ZFHX3: variants seen among roughly 807,000 people sequenced by gnomAD.
ZFHX3 encodes zinc finger homeobox 3.
ZFHX3 carries 42 observed loss-of-function variants against 279.1 expected under a neutral mutation model. The ratio of observed to expected loss-of-function variants is 0.15; its 90% CI spans 0.12 to 0.19. The LOEUF is 0.19. Among genes scored for constraint, ZFHX3 ranks in the 10% least tolerant of loss-of-function variants. ZFHX3 has a pLI of 1.00. For synonymous variants in ZFHX3, 2,293 were observed against 1,957.8 expected, an observed-to-expected ratio of 1.17 and a Z score of -4.52; for missense variants, 4,981 against 4,754.0, an observed-to-expected ratio of 1.05 and a Z score of -1.40.
At chr16:73,292,306 G>T (rs2014792345) in intron 4 of ZFHX3, among the ~76,000 whole-genome samples, 1 of 152,136 alleles carries the variant, frequency 6.6e-6, no homozygotes, top group African/African-American at 2.4e-5. Flanking sequence ...TTTCTCCAGG[G>T]TGATGGCTAG....
intron 8 of ZFHX3, among the ~76,000 whole-genome samples, chr16:73,069,819 T>A (rs1965800802): frequency 6.6e-6 from 1 of 152,192 alleles, no homozygotes; most frequent in Admixed American, 6.5e-5. Context: ...AAATAACTGG[T>A]CATAATGGTA....
intron 5 of ZFHX3, among the ~76,000 whole-genome samples, chr16:73,218,948 C>T (rs1181456927): frequency 6.6e-6 from 1 of 152,114 alleles, no homozygotes; most frequent in Non-Finnish European, 1.5e-5. Flanking sequence ...AGTCATTCTC[C>T]CATTTCCTCT....
intron 3 of ZFHX3, among the ~76,000 whole-genome samples, chr16:73,364,909 C>T (rs1427533726): frequency 6.6e-6 from 1 of 152,172 alleles, no homozygotes; most frequent in Non-Finnish European, 1.5e-5. Flanking sequence ...GCCACTGAAA[C>T]CTCTCTCTGC....
intron 2 of ZFHX3, among the ~76,000 whole-genome samples, chr16:73,510,436 A>G (rs1435400744): frequency 6.6e-6 from 1 of 152,138 alleles, no homozygotes; most frequent in African/African-American, 2.4e-5. Flanking sequence ...ATTGTCTATG[A>G]CATTTCATAT....
intron 2 of ZFHX3, among the ~76,000 whole-genome samples, chr16:72,956,014 C>T (rs1237752361): frequency 6.6e-6 from 1 of 152,156 alleles, no homozygotes; most frequent in East Asian, 1.9e-4. Context: ...TGTGCATCCA[C>T]AATTAGCCAG....
intron 3 of ZFHX3, among the ~76,000 whole-genome samples, chr16:73,336,353 G>A (rs2015912648): frequency 6.6e-6 from 1 of 152,080 alleles, no homozygotes; most frequent in Admixed American, 6.6e-5. Context: ...AATAAGCATA[G>A]CACCTGATAG....
intron 7 of ZFHX3, among the ~76,000 whole-genome samples, chr16:73,107,578 C>G (rs73591197): frequency 0.34 from 51,448 of 151,844 alleles, 8,936 homozygotes; most frequent in Admixed American, 0.46. Flanking sequence ...TCCTCCACAT[C>G]ACTCCTGTGC....
At chr16:73,594,320 A>C (rs772468827) in intron 2 of ZFHX3, among the ~76,000 whole-genome samples, 2 of 152,240 alleles carry the variant, frequency 1.3e-5, no homozygotes, top group Non-Finnish European at 2.9e-5. Flanking sequence ...AAAGATCTAC[A>C]TAGAGAACCA....
At chr16:73,327,005 C>G (rs985497125) in intron 3 of ZFHX3, among the ~76,000 whole-genome samples, 3 of 152,230 alleles carry the variant, frequency 2.0e-5, no homozygotes, top group Non-Finnish European at 4.4e-5. Context: ...AGATAACTCT[C>G]AGTCCTGAGG....
intron 3 of ZFHX3, among the ~76,000 whole-genome samples, chr16:73,384,228 G>A (rs2016861606): frequency 6.6e-6 from 1 of 152,208 alleles, no homozygotes; most frequent in Admixed American, 6.5e-5. Flanking sequence ...CCACACCCCT[G>A]TGTTTACATA....
chr16:73,506,278 C>T (rs554834550), intron 2 of ZFHX3, among the ~76,000 whole-genome samples: 4 of 152,306 alleles, frequency 2.6e-5, no homozygotes, highest in African/African-American at 9.6e-5. Flanking sequence ...ACATTGCCAC[C>T]TGGCCCGGAC....
At chr16:73,197,974 G>C (rs1254173612) in intron 5 of ZFHX3, among the ~76,000 whole-genome samples, 3 of 106,404 alleles carry the variant, frequency 2.8e-5, no homozygotes, top group Non-Finnish European at 5.1e-5. Flanking sequence ...GTATTGCTCT[G>C]TCGCCAAGGC....
chr16:73,354,429 C>T (rs534563009), intron 3 of ZFHX3, among the ~76,000 whole-genome samples: 158 of 152,260 alleles, frequency 1.0e-3, no homozygotes, highest in African/African-American at 3.6e-3. Flanking sequence ...TTTAAGTGCC[C>T]GAGTAGAATC....
intron 4 of ZFHX3, among the ~76,000 whole-genome samples, chr16:72,869,492 C>G (rs770123176): frequency 2.0e-5 from 3 of 152,160 alleles, no homozygotes; most frequent in Non-Finnish European, 4.4e-5. Flanking sequence ...AACACATGAT[C>G]TTCCTTCTTA....
At chr16:73,602,028 A>C (rs2052123826) in intron 2 of ZFHX3, among the ~76,000 whole-genome samples, 1 of 152,174 alleles carries the variant, frequency 6.6e-6, no homozygotes, top group Admixed American at 6.5e-5. Context: ...ACTACTCAGG[A>C]GGCTGGAGCA....
rs148546034 is a variant in ZFHX3, at chr16:73,751,942, G to A, written c.-1607-71702C>T. Among the ~76,000 whole-genome samples, 29 of 152,290 alleles carry A rather than the reference G, an allele frequency of 1.9e-4. No homozygotes were observed. In the East Asian group the frequency reaches 5.6e-3, roughly 29 times the overall value. Reference sequence around the variant, plus strand: ...CCTGGTCTTATGAGAAAAGAAGCCAGGTCAATCGGGTTATTCTCTCGGGGA... The same window carrying A: ...CCTGGTCTTATGAGAAAAGAAGCCAAGTCAATCGGGTTATTCTCTCGGGGA... On this transcript the variant is annotated intron_variant, in intron 1 of 17. Coordinates refer to the ZFHX3 transcript ENST00000641206.
chr16:73,051,154 G>T (rs1348346119), upstream of ZFHX3, among the ~76,000 whole-genome samples: 3 of 152,220 alleles, frequency 2.0e-5, no homozygotes, highest in Non-Finnish European at 4.4e-5. Flanking sequence ...AGACAGATTT[G>T]TGCACCCTTC....
chr16:72,986,773 C>T (rs1240602396), intron 1 of ZFHX3, among the ~76,000 whole-genome samples: 2 of 152,092 alleles, frequency 1.3e-5, no homozygotes, highest in Non-Finnish European at 2.9e-5. Context: ...CTGGGTCCTG[C>T]GATTAAGGAT....
intron 2 of ZFHX3, among the ~76,000 whole-genome samples, chr16:73,671,539 A>C (rs957654118): frequency 6.6e-6 from 1 of 152,250 alleles, no homozygotes; most frequent in African/African-American, 2.4e-5. Flanking sequence ...GCTGAAAAGG[A>C]AATAGTGATA....
Sources: gnomAD v4.1 joint callset for allele counts (sites outside exome capture counted in the v4.1 genomes callset) on GRCh38, gnomAD v4.1.1 for gene constraint, MANE v1.5 for transcripts, NCBI Gene and HGNC (gene_info 2026-07-23, HGNC 2026-07-21) for gene names.